KIAA1217: variants seen among roughly 807,000 people sequenced by gnomAD.
KIAA1217 encodes the protein KIAA1217, also known as sickle tail protein homolog.
KIAA1217 carries 88 observed loss-of-function variants against 163.9 expected under a neutral mutation model. The ratio of observed to expected loss-of-function variants is 0.54; its 90% CI spans 0.45 to 0.64. The LOEUF is 0.64. Ranked by LOEUF, KIAA1217 falls within the 30% of genes least tolerant of loss-of-function variation. The probability of loss-of-function intolerance (pLI) is 0.00; values close to 1 mark genes in which losing one functional copy is unlikely to be tolerated. For missense variants in KIAA1217, 2,372 were observed against 2,475.0 expected, an observed-to-expected ratio of 0.96 and a Z score of 0.88; for synonymous variants, 903 against 923.1, an observed-to-expected ratio of 0.98 and a Z score of 0.39.
At chr10:24,402,116 C>T (rs564532837) in intron 3 of KIAA1217, among the ~76,000 whole-genome samples, 16 of 152,318 alleles carry the variant, frequency 1.1e-4, no homozygotes, top group African/African-American at 3.8e-4. Context: ...TGTCACTGCT[C>T]TCCCAAAAGA....
upstream of KIAA1217, among the ~76,000 whole-genome samples, chr10:24,207,174 C>T (rs918587994): frequency 2.0e-5 from 3 of 152,030 alleles, no homozygotes; most frequent in African/African-American, 4.8e-5. Context: ...CTGTTAAGCA[C>T]GGGCTCTCTG....
At chr10:23,757,667 G>A (rs920574525) in intron 1 of KIAA1217, among the ~76,000 whole-genome samples, 8 of 152,070 alleles carry the variant, frequency 5.3e-5, no homozygotes, top group South Asian at 2.1e-4. Context: ...ACAGGTGCAT[G>A]CCACCACACC....
intron 1 of KIAA1217, among the ~76,000 whole-genome samples, chr10:23,715,221 T>C (rs1273045126): frequency 6.6e-6 from 1 of 152,204 alleles, no homozygotes; most frequent in Non-Finnish European, 1.5e-5. Context: ...CATAGCTCTG[T>C]GTATTGACTT....
intron 2 of KIAA1217, among the ~76,000 whole-genome samples, chr10:24,080,326 C>G: frequency 6.6e-6 from 1 of 152,082 alleles, no homozygotes; most frequent in East Asian, 1.9e-4. Flanking sequence ...ATTCCTGGGT[C>G]AGTGTTTGTC....
At chr10:24,499,930 C>T (rs531292518) in intron 8 of KIAA1217, among the ~76,000 whole-genome samples, 106 of 152,160 alleles carry the variant, frequency 7.0e-4, no homozygotes, top group Non-Finnish European at 1.2e-3. Flanking sequence ...GCATCAGCAT[C>T]GCCAAGGCCA....
intron 2 of KIAA1217, among the ~76,000 whole-genome samples, chr10:24,154,280 T>C (rs1266398204): frequency 2.6e-5 from 4 of 151,850 alleles, no homozygotes; most frequent in Non-Finnish European, 5.9e-5. Flanking sequence ...TTAAAAAAAG[T>C]AGCCAGACGT....
At chr10:24,523,149 C>A (rs1041659730) in intron 12 of KIAA1217, among the ~76,000 whole-genome samples, 1 of 151,770 alleles carries the variant, frequency 6.6e-6, no homozygotes, top group Admixed American at 6.6e-5. Context: ...AAGACCCCAT[C>A]TCTACAAAAA....
At chr10:24,039,951 G>A (rs541089543) in intron 2 of KIAA1217, among the ~76,000 whole-genome samples, 2 of 151,986 alleles carry the variant, frequency 1.3e-5, no homozygotes, top group Non-Finnish European at 2.9e-5. Flanking sequence ...CCTTTCCCTT[G>A]TAAAATTAGT....
intron 1 of KIAA1217, among the ~76,000 whole-genome samples, chr10:23,895,584 T>C (rs1445406753): frequency 2.6e-5 from 4 of 152,112 alleles, no homozygotes; most frequent in Non-Finnish European, 1.5e-5. Context: ...GTCAGTGTGG[T>C]GATTCCTCAG....
intron 1 of KIAA1217, among the ~76,000 whole-genome samples, chr10:23,856,945 C>G (rs1341263548): frequency 1.3e-5 from 2 of 152,256 alleles, no homozygotes. Context: ...AGGGAACTCC[C>G]TGACCCCTTG....
chr10:24,174,305 A>C (rs547491089), intron 2 of KIAA1217, among the ~76,000 whole-genome samples: 2 of 152,262 alleles, frequency 1.3e-5, no homozygotes, highest in Admixed American at 1.3e-4. Context: ...CTTGTCCTTC[A>C]CCAAAAGGTG....
chr10:24,177,438 C>T (rs1227032823), intron 2 of KIAA1217, among the ~76,000 whole-genome samples: 1 of 149,292 alleles, frequency 6.7e-6, no homozygotes, highest in Non-Finnish European at 1.5e-5. Context: ...TAGGCTGGTT[C>T]CATATTTTTG....
chr10:24,018,868 T>G (rs1489615258), intron 2 of KIAA1217, among the ~76,000 whole-genome samples: 1 of 152,106 alleles, frequency 6.6e-6, no homozygotes, highest in Non-Finnish European at 1.5e-5. Flanking sequence ...TACACTATTC[T>G]GCCTTCAAAG....
At chr10:23,989,878 T>A (rs1589195437) in intron 1 of KIAA1217, among the ~76,000 whole-genome samples, 1 of 152,210 alleles carries the variant, frequency 6.6e-6, no homozygotes, top group Admixed American at 6.5e-5. Context: ...TTGCTTCATC[T>A]TTTTGAGCCT....
chr10:23,887,022 T>C (rs1349339871), intron 1 of KIAA1217, among the ~76,000 whole-genome samples: 2 of 151,874 alleles, frequency 1.3e-5, no homozygotes, highest in African/African-American at 4.8e-5. Flanking sequence ...ATCTTTATCA[T>C]TAAAATATTT....
intron 3 of KIAA1217, among the ~76,000 whole-genome samples, chr10:24,387,322 G>A (rs1291275850): frequency 6.6e-6 from 1 of 152,166 alleles, no homozygotes; most frequent in East Asian, 1.9e-4. Context: ...TATCTCAATA[G>A]ATGCAGAAAA....
intron 3 of KIAA1217, among the ~76,000 whole-genome samples, chr10:24,384,146 G>A (rs988986773): frequency 3.3e-5 from 5 of 152,200 alleles, no homozygotes; most frequent in Admixed American, 2.6e-4. Flanking sequence ...GAAACCCGCT[G>A]TTGATGCCAT....
At chr10:24,370,757 G>A (rs1215015533) in intron 2 of KIAA1217, among the ~76,000 whole-genome samples, 2 of 152,068 alleles carry the variant, frequency 1.3e-5, no homozygotes, top group East Asian at 1.9e-4. Flanking sequence ...TAATTTTCAT[G>A]TTGGTTTTTT....
At chr10:23,910,888 G>T (rs1304007071) in intron 1 of KIAA1217, among the ~76,000 whole-genome samples, 4 of 152,088 alleles carry the variant, frequency 2.6e-5, no homozygotes, top group Non-Finnish European at 5.9e-5. Context: ...AAAATGATGG[G>T]CTTCAAGGCT....
Sources: gnomAD v4.1 joint callset for allele counts (sites outside exome capture counted in the v4.1 genomes callset) on GRCh38, gnomAD v4.1.1 for gene constraint, MANE v1.5 for transcripts, NCBI Gene and HGNC (gene_info 2026-07-23, HGNC 2026-07-21) for gene names.